The following SLC9A8 variants were observed in gnomAD, a reference collection of about 807,000 sequenced individuals.
SLC9A8 encodes the protein solute carrier family 9 member A8.
Under a neutral mutation model 66.6 loss-of-function variants are expected in SLC9A8, and 48 were observed. The observed-to-expected ratio is 0.72, with a 90% CI of 0.57 to 0.92. The LOEUF (loss-of-function observed/expected upper bound fraction) is 0.92, where lower values mean the gene tolerates loss of function less well. Ranked by LOEUF, SLC9A8 falls within the 40% of genes least tolerant of loss-of-function variation. SLC9A8 has a pLI of 0.00. For synonymous variants in SLC9A8, 274 were observed against 282.6 expected (o/e 0.97, Z 0.31); for missense variants, 599 against 747.3 (o/e 0.80, Z 2.31).
intron 3 of SLC9A8, among the ~76,000 whole-genome samples, chr20:49,826,562 A>C (rs898450601): frequency 6.6e-6 from 1 of 152,200 alleles, no homozygotes; most frequent in Non-Finnish European, 1.5e-5. Context: ...CCAAAAGCAC[A>C]TGTCCCCTCC....
At chr20:49,836,084 A>C (rs1318364913) in intron 3 of SLC9A8, among the ~76,000 whole-genome samples, 1 of 152,136 alleles carries the variant, frequency 6.6e-6, no homozygotes, top group Non-Finnish European at 1.5e-5. Context: ...CATGCCCTTT[A>C]GCTCTCCTCC....
intron 7 of SLC9A8, among the ~76,000 whole-genome samples, chr20:49,851,589 G>A (rs775543719): frequency 7.2e-5 from 11 of 152,206 alleles, no homozygotes; most frequent in African/African-American, 1.2e-4. Context: ...TTGCCATGGG[G>A]CCAGTCAGAG....
At chr20:49,855,606 C>T (rs759560025) in intron 8 of SLC9A8, 25 bp downstream of exon 8, 160 of 1,608,434 alleles carry the variant, frequency 9.9e-5, no homozygotes, top group Non-Finnish European at 4.2e-5. Flanking sequence ...AGAGAACAGA[C>T]TTTTTTCATG....
intron 13 of SLC9A8, among the ~76,000 whole-genome samples, chr20:49,882,327 G>A (rs2089655915): frequency 6.6e-6 from 1 of 152,222 alleles, no homozygotes; most frequent in South Asian, 2.1e-4. Context: ...TGGAGGGGAG[G>A]CGTCCGCCCC....
intron 1 of SLC9A8, among the ~76,000 whole-genome samples, chr20:49,814,461 A>G (rs1312986259): frequency 6.6e-6 from 1 of 152,166 alleles, no homozygotes; most frequent in African/African-American, 2.4e-5. Context: ...AGCTGTGGGA[A>G]CATACGCAGT....
At chr20:49,823,363 G>A (rs2086810310) in intron 3 of SLC9A8, among the ~76,000 whole-genome samples, 1 of 152,120 alleles carries the variant, frequency 6.6e-6, no homozygotes, top group African/African-American at 2.4e-5. Context: ...GAAGCCCAAA[G>A]GCCATACAGC....
At chr20:49,870,193 G>C (rs563780592) in intron 10 of SLC9A8, among the ~76,000 whole-genome samples, 54 of 152,288 alleles carry the variant, frequency 3.5e-4, no homozygotes, top group Non-Finnish European at 7.4e-4. Flanking sequence ...CTTGCTGTTG[G>C]GGCTACATTT....
intron 6 of SLC9A8, 47 bp from the exon 7 acceptor site, chr20:49,850,763 G>GTTTTTT: frequency 7.3e-7 from 1 of 1,371,650 alleles, no homozygotes; most frequent in South Asian, 1.4e-5. Context: ...GTTCTCCAGG[G>GTTTTTT]TTTTTTTTTT....
At position 49,853,750 on chromosome 20, in the gene SLC9A8, C is replaced by T. The variant is rs77684695; in HGVS notation, c.570-1688C>T. Among the ~76,000 whole-genome samples the T allele has an allele frequency of 8.3e-3, 1,271 of 152,318 alleles. 17 individuals carry two copies. Among genetic ancestry groups the T allele is most frequent in the African/African-American group, 0.029 (1,219 of 41,570 alleles). On this transcript the variant is annotated intron_variant, in intron 7 of 15. Coordinates refer to ENST00000361573, the MANE Select transcript of SLC9A8 (RefSeq NM_015266.3). ...ATGACGAAAATTCAGCATCCACTCCCTTGGAGCTCACAGGCCTGTGATGAC... is the reference window on the plus strand; with the variant it reads ...ATGACGAAAATTCAGCATCCACTCCTTTGGAGCTCACAGGCCTGTGATGAC...
At chr20:49,826,501 G>A (rs984493041) in intron 3 of SLC9A8, among the ~76,000 whole-genome samples, 5 of 152,130 alleles carry the variant, frequency 3.3e-5, no homozygotes, top group African/African-American at 1.2e-4. Flanking sequence ...TTATAGTTAG[G>A]TGTTCAGCAT....
intron 7 of SLC9A8, among the ~76,000 whole-genome samples, chr20:49,851,217 G>GA (rs1568838780): frequency 6.6e-6 from 1 of 152,202 alleles, no homozygotes; most frequent in African/African-American, 2.4e-5. Flanking sequence ...TAGAGATGGA[G>GA]AGGGGGAGTG....
At chr20:49,824,667 A>G (rs368508595) in intron 3 of SLC9A8, among the ~76,000 whole-genome samples, 1 of 152,200 alleles carries the variant, frequency 6.6e-6, no homozygotes, top group Non-Finnish European at 1.5e-5. Context: ...CAGTGCTTCT[A>G]TTAGGACTTA....
At chr20:49,873,798 A>G (rs6067254) in intron 10 of SLC9A8, among the ~76,000 whole-genome samples, 1 of 148,490 alleles carries the variant, frequency 6.7e-6, no homozygotes, top group Non-Finnish European at 1.5e-5. Flanking sequence ...AAAAAAAAGA[A>G]TCCACACATT....
chr20:49,841,487 C>T (rs2087758387), intron 4 of SLC9A8, among the ~76,000 whole-genome samples: 1 of 152,026 alleles, frequency 6.6e-6, no homozygotes, highest in Admixed American at 6.6e-5. Flanking sequence ...CCAAACTGAC[C>T]TGCTGGGTCT....
chr20:49,888,057 G>T lies in SLC9A8; in HGVS notation c.*121G>T. On this transcript the variant is annotated 3_prime_UTR_variant, in exon 16 of 16. Transcript: ENST00000361573. ...CAGCCCCTTCAAGACATAAGAGGGC[G>T]GGGCGAGGTACTGGCTGCAGAGTCG... The T allele has an allele frequency of 6.6e-6, 5 of 759,148 alleles. No individual in the cohort carries two copies. Among genetic ancestry groups the T allele is most frequent in the Non-Finnish European group, 1.1e-5 (5 of 451,222 alleles). The allele number at this position is 759,148 out of a possible 1,614,324, so 47.0% of individuals were successfully genotyped here. A position where few individuals can be genotyped will look rare whatever the true frequency, so the allele number is the denominator to read the frequency against.
chr20:49,830,287 A>G, intron 3 of SLC9A8: 1 of 1,140,484 alleles, frequency 8.8e-7, no homozygotes, highest in Non-Finnish European at 1.3e-6. Flanking sequence ...AACTTGCTAA[A>G]AATGGGTCAC....
At chr20:49,834,849 G>A (rs2087466458) in intron 3 of SLC9A8, among the ~76,000 whole-genome samples, 1 of 152,066 alleles carries the variant, frequency 6.6e-6, no homozygotes, top group African/African-American at 2.4e-5. Flanking sequence ...AGAAAGTTGA[G>A]GTTTTAGTAA....
intron 12 of SLC9A8, among the ~76,000 whole-genome samples, chr20:49,880,657 T>C (rs1411210710): frequency 6.6e-6 from 1 of 152,212 alleles, no homozygotes; most frequent in Non-Finnish European, 1.5e-5. Flanking sequence ...CCCTTCCTGA[T>C]ACCTCGTCCG....
At chr20:49,837,343 C>G (rs7354200) in intron 3 of SLC9A8, among the ~76,000 whole-genome samples, 61 of 152,196 alleles carry the variant, frequency 4.0e-4, no homozygotes, top group African/African-American at 1.4e-3. Flanking sequence ...GGTGGTCATC[C>G]TTAATGTTGG....
Sources: allele counts gnomAD v4.1 joint callset (sites outside exome capture counted in the v4.1 genomes callset), GRCh38; gene constraint gnomAD v4.1.1; transcripts MANE v1.5; gene names NCBI Gene and HGNC (gene_info 2026-07-23, HGNC 2026-07-21).